Variants in ZNF518A observed in about 807,000 individuals in gnomAD.
The protein encoded by ZNF518A is zinc finger protein 518A.
Under a neutral mutation model 102.7 loss-of-function variants are expected in ZNF518A, and 47 were observed. The ratio of observed to expected loss-of-function variants is 0.46; its 90% CI spans 0.36 to 0.58. The LOEUF (loss-of-function observed/expected upper bound fraction) is 0.58, where lower values mean the gene tolerates loss of function less well. Ranked by LOEUF, ZNF518A falls within the 20% of genes least tolerant of loss-of-function variation. The pLI is 0.00. For missense variants in ZNF518A, 1,793 were observed against 1,699.8 expected, an observed-to-expected ratio of 1.05 and a Z score of -0.96; for synonymous variants, 652 against 594.6, an observed-to-expected ratio of 1.10 and a Z score of -1.40.
chr10:96,177,749 G>A (rs1454203764), intron 1 of ZNF518A, among the ~76,000 whole-genome samples: 2 of 151,874 alleles, frequency 1.3e-5, no homozygotes, highest in African/African-American at 2.4e-5. Context: ...AAAAACTGGT[G>A]GGAAAATATA....
intron 3 of ZNF518A, among the ~76,000 whole-genome samples, chr10:96,138,392 A>G (rs2081728416): frequency 6.6e-6 from 1 of 151,678 alleles, no homozygotes. Flanking sequence ...GGTCATACTG[A>G]TTTTCTTGCT....
At position 96,175,905 on chromosome 10, in the gene ZNF518A, T is replaced by C. The variant is rs1371348003; in HGVS notation, n.35+19858T>C. 1.6e-3 allele frequency among the ~76,000 whole-genome samples: 214 copies of C among 132,032 alleles called. 2 individuals carry two copies. The highest frequency in any genetic ancestry group is 4.0e-3 in the African/African-American group (149 of 37,146). 86.6% of individuals were successfully genotyped at this position (132,032 alleles called of 152,430 possible). A position where few individuals can be genotyped will look rare whatever the true frequency, so the allele number is the denominator to read the frequency against. On this transcript the variant is annotated intron_variant and non_coding_transcript_variant, in intron 1 of 2. Coordinates refer to the ZNF518A transcript ENST00000442635. Reference sequence around the variant, plus strand: ...TTCCTTCCTTCCTTCCTTCCTTCCTTCCTTCCTTCCTTCCTTCCTTCCTTC... The same window carrying C: ...TTCCTTCCTTCCTTCCTTCCTTCCTCCCTTCCTTCCTTCCTTCCTTCCTTC...
chr10:96,203,411 TA>T (rs1554896690), intron 1 of ZNF518A, among the ~76,000 whole-genome samples: 5 of 152,234 alleles, frequency 3.3e-5, no homozygotes. Flanking sequence ...AATTACTGTT[TA>T]TTTAAATGGA....
rs587776007 is a variant in ZNF518A at position 96,143,004 on chromosome 10, C to T, written c.-302+9356C>T. ...TGTATTTTTAGTACAGATGGGGTTT[C>T]GCCATGTTGGCCAGGCTGTTCTTGA... is the stretch of plus-strand genomic sequence containing the variant. On this transcript the variant is annotated intron_variant, in intron 3 of 5. Transcript: ENST00000316045. Among the ~76,000 whole-genome samples, 10 of 152,148 alleles carry T rather than the reference C, an allele frequency of 6.6e-5. No individual in the cohort carries two copies. In the South Asian group the frequency reaches 1.7e-3, roughly 25 times the overall value.
chr10:96,144,101 T>G (rs1245333402), intron 3 of ZNF518A, among the ~76,000 whole-genome samples: 2 of 152,138 alleles, frequency 1.3e-5, no homozygotes, highest in Non-Finnish European at 2.9e-5. Context: ...TGCTTCCATC[T>G]CAGCCTCCCG....
chr10:96,172,925 G>A (rs1554891041), intron 1 of ZNF518A, among the ~76,000 whole-genome samples: 3 of 152,060 alleles, frequency 2.0e-5, no homozygotes. Flanking sequence ...CTCCATATCT[G>A]TGCGTTCTAC....
chr10:96,174,908 G>T (rs915060822), intron 1 of ZNF518A, among the ~76,000 whole-genome samples: 2 of 152,244 alleles, frequency 1.3e-5, no homozygotes, highest in Admixed American at 6.5e-5. Context: ...TTTAGATGAG[G>T]TCGTGAAGAT....
In ZNF518A at chr10:96,162,184, A is replaced by G. The variant is rs1215798420; in HGVS notation, c.*1410A>G. On this transcript the variant is annotated 3_prime_UTR_variant, in exon 6 of 6. Coordinates refer to ENST00000316045, the MANE Select transcript of ZNF518A (RefSeq NM_001330736.2). Reference sequence around the variant, plus strand: ...GTCTGTACATATTTTTGTACCTTTTATGTAAATTTTGCACAGAAATTTTTG... The same window carrying G: ...GTCTGTACATATTTTTGTACCTTTTGTGTAAATTTTGCACAGAAATTTTTG... 6.0e-6 allele frequency: 1 copy of G among 166,876 alleles called. No homozygotes were observed. Among genetic ancestry groups the G allele is most frequent in the Non-Finnish European group, 1.5e-5 (1 of 68,036 alleles). 10.3% of individuals were successfully genotyped at this position (166,876 alleles called of 1,614,324 possible). A position where few individuals can be genotyped will look rare whatever the true frequency, so the allele number is the denominator to read the frequency against.
In ZNF518A at chr10:96,200,850, A is replaced by G; in HGVS notation, n.36-2724A>G. The stretch of plus-strand genomic sequence containing the variant: ...GGTATTCTGTCCCTATTACCAAATG[A>G]CAGTTCACATAATGATGTAAAATAC... On this transcript the variant is annotated intron_variant and non_coding_transcript_variant, in intron 1 of 2. Transcript: ENST00000442635. The surrounding 1 kb of genome is among the most constrained non-coding windows in gnomAD (Gnocchi z 4.3). 1 of 867,264 alleles carries G rather than the reference A, an allele frequency of 1.2e-6. No individual in the cohort carries two copies. The highest frequency in any genetic ancestry group is 2.4e-5 in the East Asian group (1 of 41,334). The allele number at this position is 867,264 out of a possible 1,614,324, so 53.7% of individuals were successfully genotyped here.
At chr10:96,204,337 C>T (rs2083738769), downstream of ZNF518A, 10 of 715,648 alleles carry the variant, frequency 1.4e-5, no homozygotes, top group Admixed American at 1.8e-4. Flanking sequence ...ATAATTAACC[C>T]AATTAGTAGG....
downstream of ZNF518A, among the ~76,000 whole-genome samples, chr10:96,166,009 CA>C (rs1161081512): frequency 6.6e-6 from 1 of 152,102 alleles, no homozygotes; most frequent in African/African-American, 2.4e-5. Context: ...GCCTGAGAAC[CA>C]AGGGGCCACG....
In ZNF518A at chr10:96,156,588, C is replaced by A; in HGVS notation, c.266C>A (p.Thr89Asn). The change falls in exon 6 of 6, where the codon ACT becomes AAT. Residue 89 changes from threonine (T) to asparagine (N), a missense_variant. This residue lies in a region of ZNF518A where 1,741 missense variants were observed against 1,622.6 expected (regional missense o/e 1.07). Coordinates refer to ENST00000316045, the MANE Select transcript of ZNF518A (RefSeq NM_001330736.2). ...GCAAGAAAATCTATCAGTATAAAGA[C>A]TGTAAGCTGTGTAGAGGAGTGTACA... ...QTARKSISIK[T>N]VSCVEECTLL... 1 of 1,613,730 alleles carries A rather than the reference C, an allele frequency of 6.2e-7. No individual in the cohort carries two copies. The highest frequency in any genetic ancestry group is 1.1e-5 in the South Asian group (1 of 91,078).
chr10:96,143,677 C>A (rs1375245967), intron 3 of ZNF518A, among the ~76,000 whole-genome samples: 2 of 152,144 alleles, frequency 1.3e-5, no homozygotes, highest in African/African-American at 4.8e-5. Flanking sequence ...TCCTGGAATT[C>A]AAGAGTAGGA....
intron 1 of ZNF518A, among the ~76,000 whole-genome samples, chr10:96,175,357 G>C (rs1373938283): frequency 6.6e-6 from 1 of 152,200 alleles, no homozygotes; most frequent in Non-Finnish European, 1.5e-5. Flanking sequence ...GATGGGTCCT[G>C]ATTGCCAGCT....
intron 1 of ZNF518A, among the ~76,000 whole-genome samples, chr10:96,131,697 A>G (rs1455924426): frequency 6.6e-6 from 1 of 152,238 alleles, no homozygotes; most frequent in African/African-American, 2.4e-5. Context: ...AGGACAAAAG[A>G]CAGTAACCAC....
intron 1 of ZNF518A, among the ~76,000 whole-genome samples, chr10:96,193,744 A>G (rs1005338882): frequency 6.6e-6 from 1 of 152,206 alleles, no homozygotes; most frequent in Non-Finnish European, 1.5e-5. Context: ...AAATTACTCA[A>G]TGTTGTATCA....
At chr10:96,184,775 G>A (rs1211247476) in intron 1 of ZNF518A, among the ~76,000 whole-genome samples, 2 of 152,204 alleles carry the variant, frequency 1.3e-5, no homozygotes, top group East Asian at 1.9e-4. Flanking sequence ...TGACAATTAT[G>A]TGTCTTGGGG....
intron 1 of ZNF518A, among the ~76,000 whole-genome samples, chr10:96,177,387 A>T (rs1042126566): frequency 3.9e-5 from 6 of 152,342 alleles, no homozygotes; most frequent in Non-Finnish European, 5.9e-5. Flanking sequence ...ATATTAAGAG[A>T]AATTTTTTAG....
Position 96,158,799 on chromosome 10 carries a change from T to G in ZNF518A, c.2477T>G (p.Ile826Ser), listed in dbSNP as rs201577222. Residue 826 changes from isoleucine to serine, a missense_variant, in exon 6 of 6, where the codon ATT (isoleucine) becomes AGT (serine). This residue lies in a region of ZNF518A where 1,741 missense variants were observed against 1,622.6 expected (regional missense o/e 1.07). Coordinates refer to ENST00000316045, the MANE Select transcript of ZNF518A (RefSeq NM_001330736.2). The stretch of plus-strand genomic sequence containing the variant: ...CAAAAACACGAGAGAGAAGGCAAAA[T>G]TGTTGAATCTTCGAAAGATTTCAAA... ...SFQKHEREGK[I>S]VESSKDFKVQ... is the part of the protein sequence containing the mutation. 141 of 1,613,684 alleles carry G rather than the reference T, an allele frequency of 8.7e-5. No individual in the cohort carries two copies. In the African/African-American group the frequency reaches 1.8e-3, roughly 21 times the overall value.
Sources: gnomAD v4.1 joint callset for allele counts (sites outside exome capture counted in the v4.1 genomes callset) on GRCh38, gnomAD v4.1.1 for gene constraint, gnomAD v4.1.1 regional missense constraint, Gnocchi (gnomAD v3.1) non-coding constraint, MANE v1.5 for transcripts, NCBI Gene and HGNC (gene_info 2026-07-23, HGNC 2026-07-21) for gene names.